Variants in PARD3B observed in about 807,000 individuals in gnomAD.
PARD3B encodes par-3 family cell polarity regulator beta.
A neutral mutation model predicts 130.2 loss-of-function variants in PARD3B; 103 were observed. The observed-to-expected ratio is 0.79, with a 90% CI of 0.67 to 0.93. The LOEUF (loss-of-function observed/expected upper bound fraction) is 0.93, where lower values mean the gene tolerates loss of function less well. Ranked by LOEUF, PARD3B falls within the 40% of genes least tolerant of loss-of-function variation. The pLI is 0.00. For missense variants in PARD3B, 1,609 were observed against 1,499.2 expected (o/e 1.07, Z -1.21); for synonymous variants, 583 against 553.2 (o/e 1.05, Z -0.76).
At chr2:204,927,129 T>C (rs1310817439) in intron 2 of PARD3B, among the ~76,000 whole-genome samples, 2 of 152,122 alleles carry the variant, frequency 1.3e-5, no homozygotes, top group East Asian at 3.9e-4. Context: ...AATAATACAT[T>C]TTTGGTGATA....
chr2:204,680,462 T>C (rs76323875), intron 1 of PARD3B, among the ~76,000 whole-genome samples: 7,203 of 152,112 alleles, frequency 0.047, 475 homozygotes, highest in East Asian at 0.14. Flanking sequence ...TCTTGATTGG[T>C]TCTGCTATGA....
At chr2:204,856,831 A>G (rs920794807) in intron 2 of PARD3B, among the ~76,000 whole-genome samples, 1 of 152,146 alleles carries the variant, frequency 6.6e-6, no homozygotes, top group South Asian at 2.1e-4. Context: ...GTCATAATTT[A>G]CTATAAATAC....
intron 2 of PARD3B, among the ~76,000 whole-genome samples, chr2:204,871,713 G>C (rs1414390243): frequency 6.6e-6 from 1 of 151,962 alleles, no homozygotes; most frequent in African/African-American, 2.4e-5. Context: ...GACTCTTCCT[G>C]ATTTCCCTTT....
chr2:205,411,259 A>T (rs545627622), intron 19 of PARD3B, among the ~76,000 whole-genome samples: 2 of 152,284 alleles, frequency 1.3e-5, no homozygotes, highest in South Asian at 4.2e-4. Flanking sequence ...TATAATAGAA[A>T]TATACTACAG....
intron 12 of PARD3B, among the ~76,000 whole-genome samples, chr2:205,174,862 T>G (rs2035376516): frequency 6.6e-6 from 1 of 152,206 alleles, no homozygotes; most frequent in African/African-American, 2.4e-5. Context: ...TAATGAGCCC[T>G]TGATTGAATC....
At chr2:204,657,120 T>C (rs2035665187) in intron 1 of PARD3B, among the ~76,000 whole-genome samples, 1 of 152,196 alleles carries the variant, frequency 6.6e-6, no homozygotes, top group African/African-American at 2.4e-5. Flanking sequence ...CCCACTGTCG[T>C]ATCACTTTCT....
At chr2:205,096,832 A>G (rs1482578889) in intron 4 of PARD3B, among the ~76,000 whole-genome samples, 1 of 152,226 alleles carries the variant, frequency 6.6e-6, no homozygotes, top group Admixed American at 6.5e-5. Context: ...TTTATTTTAA[A>G]GATGCAATTA....
intron 2 of PARD3B, among the ~76,000 whole-genome samples, chr2:204,956,896 T>C (rs935094505): frequency 2.6e-5 from 4 of 152,150 alleles, no homozygotes; most frequent in African/African-American, 9.7e-5. Flanking sequence ...TCTGGCTTGC[T>C]TTTTCCATAG....
chr2:204,804,300 A>G (rs1352476236), intron 2 of PARD3B, among the ~76,000 whole-genome samples: 3 of 152,332 alleles, frequency 2.0e-5, no homozygotes, highest in East Asian at 3.9e-4. Flanking sequence ...AATAGGGGAT[A>G]GAAAGAGATA....
intron 1 of PARD3B, among the ~76,000 whole-genome samples, chr2:204,572,972 G>A (rs1466404210): frequency 6.6e-6 from 1 of 152,330 alleles, no homozygotes; most frequent in East Asian, 1.9e-4. Flanking sequence ...TCCTGGAAGA[G>A]ATGAAACTTG....
At chr2:204,836,620 C>T (rs1362457707) in intron 2 of PARD3B, among the ~76,000 whole-genome samples, 1 of 152,160 alleles carries the variant, frequency 6.6e-6, no homozygotes, top group Non-Finnish European at 1.5e-5. Flanking sequence ...AAGATCGTGC[C>T]ACTGCACTCC....
At chr2:205,394,433 TC>T (rs1192522818) in intron 18 of PARD3B, among the ~76,000 whole-genome samples, 6 of 152,158 alleles carry the variant, frequency 3.9e-5, no homozygotes, top group Non-Finnish European at 7.4e-5. Context: ...TATTTTCCTC[TC>T]CTAGGCTGCT....
chr2:205,331,265 C>CCACACACACACACACACA (rs56170026), intron 18 of PARD3B, among the ~76,000 whole-genome samples: 4 of 148,618 alleles, frequency 2.7e-5, no homozygotes, highest in African/African-American at 9.9e-5. Context: ...CACATATATT[C>CCACACACACACACACACA]CACACACACA....
rs2046379271 is a variant in PARD3B at position 205,405,231 on chromosome 2, G to T, written c.2741+4108G>T. On this transcript the variant is annotated intron_variant, in intron 19 of 22. Transcript: ENST00000406610. The surrounding 1 kb of genome is among the most constrained non-coding windows in gnomAD (Gnocchi z 4.1). ...GGCAGTTTTACCACAAGGGCATTTG[G>T]CTATGTCTGGAGATATTTTTGATTG... Among the ~76,000 whole-genome samples, 1 of 152,116 alleles carries T rather than the reference G, an allele frequency of 6.6e-6. No homozygotes were observed. The highest frequency in any genetic ancestry group is 1.5e-5 in the Non-Finnish European group (1 of 68,030).
At chr2:204,866,675 A>G (rs141031160) in intron 2 of PARD3B, among the ~76,000 whole-genome samples, 115 of 151,862 alleles carry the variant, frequency 7.6e-4, no homozygotes, top group African/African-American at 2.7e-3. Flanking sequence ...ATGTGTATAT[A>G]TACATATATA....
At chr2:204,852,819 C>T (rs1432803458) in intron 2 of PARD3B, among the ~76,000 whole-genome samples, 1 of 152,054 alleles carries the variant, frequency 6.6e-6, no homozygotes, top group Non-Finnish European at 1.5e-5. Context: ...GGAATAGGGA[C>T]TGTTGAATAT....
At chr2:204,627,085 G>A (rs973600722) in intron 1 of PARD3B, among the ~76,000 whole-genome samples, 3 of 152,060 alleles carry the variant, frequency 2.0e-5, no homozygotes, top group Admixed American at 6.6e-5. Context: ...TTCACTGGTC[G>A]TCTTCTCTCT....
At chr2:205,111,758 G>A (rs1178831797) in intron 5 of PARD3B, among the ~76,000 whole-genome samples, 1 of 151,984 alleles carries the variant, frequency 6.6e-6, no homozygotes, top group African/African-American at 2.4e-5. Flanking sequence ...TGCTTTCAGT[G>A]CAAAACTATA....
At chr2:205,384,456 T>C (rs1053124372) in intron 18 of PARD3B, among the ~76,000 whole-genome samples, 1 of 152,120 alleles carries the variant, frequency 6.6e-6, no homozygotes, top group African/African-American at 2.4e-5. Context: ...AGGGATTTTG[T>C]GTCTTTGACT....
Sources: gnomAD v4.1 joint callset for allele counts (sites outside exome capture counted in the v4.1 genomes callset) on GRCh38, gnomAD v4.1.1 for gene constraint, Gnocchi (gnomAD v3.1) non-coding constraint, MANE v1.5 for transcripts, NCBI Gene and HGNC (gene_info 2026-07-23, HGNC 2026-07-21) for gene names.